ANKS1B: variants seen among roughly 807,000 people sequenced by gnomAD.
ANKS1B encodes the protein ankyrin repeat and sterile alpha motif domain-containing protein 1B.
A neutral mutation model predicts 148.3 loss-of-function variants in ANKS1B; 36 were observed. That is an observed-to-expected ratio of 0.24 (90% confidence interval 0.19 to 0.32). ANKS1B has a LOEUF of 0.32. Among genes scored for constraint, ANKS1B ranks in the 10% least tolerant of loss-of-function variants. ANKS1B has a pLI of 1.00. For missense variants in ANKS1B, 1,157 were observed against 1,542.6 expected, an observed-to-expected ratio of 0.75 and a Z score of 4.19; for synonymous variants, 542 against 560.8, an observed-to-expected ratio of 0.97 and a Z score of 0.47.
intron 17 of ANKS1B, among the ~76,000 whole-genome samples, chr12:98,873,531 A>AAAG (rs1297507606): frequency 6.6e-6 from 1 of 152,196 alleles, no homozygotes; most frequent in Non-Finnish European, 1.5e-5. Flanking sequence ...TATTAACAGG[A>AAAG]AAGAAAGTAA....
At chr12:99,319,928 T>C (rs1181611810) in intron 12 of ANKS1B, among the ~76,000 whole-genome samples, 1 of 152,178 alleles carries the variant, frequency 6.6e-6, no homozygotes, top group Non-Finnish European at 1.5e-5. Context: ...CTGTAAAGGA[T>C]TTTATTTATC....
In ANKS1B at chr12:99,921,168, C is replaced by T. The variant is rs12310227; in HGVS notation, c.134+62936G>A. On this transcript the variant is annotated intron_variant, in intron 1 of 26. Transcript: ENST00000683438. The stretch of plus-strand genomic sequence containing the variant: ...TAATCCCCATGTGTCGAGGAAGGAC[C>T]TGTAATCCCCATCTGTCAACAGAGG... Among the ~76,000 whole-genome samples the T allele has an allele frequency of 5.4e-3, 815 of 152,262 alleles. 11 individuals are homozygous for T. The highest frequency in any genetic ancestry group is 0.018 in the African/African-American group (760 of 41,566).
intron 9 of ANKS1B, among the ~76,000 whole-genome samples, chr12:99,650,783 C>T (rs948852187): frequency 5.9e-5 from 9 of 152,014 alleles, no homozygotes; most frequent in African/African-American, 1.2e-4. Context: ...ATAATCTGGA[C>T]AAAAACTGGA....
intron 17 of ANKS1B, among the ~76,000 whole-genome samples, chr12:99,001,071 T>G (rs2099932708): frequency 6.6e-6 from 1 of 152,170 alleles, no homozygotes; most frequent in Non-Finnish European, 1.5e-5. Flanking sequence ...ACATCTTGTT[T>G]TTTTTGAATA....
At chr12:99,189,807 T>C (rs888743100) in intron 14 of ANKS1B, among the ~76,000 whole-genome samples, 14 of 152,098 alleles carry the variant, frequency 9.2e-5, no homozygotes, top group Non-Finnish European at 1.9e-4. Flanking sequence ...CTCTCACCAC[T>C]CCTATTCAAC....
intron 22 of ANKS1B, chr12:98,794,473 T>G: frequency 4.8e-5 from 16 of 333,660 alleles, no homozygotes; most frequent in East Asian, 1.8e-4. Context: ...TGGGGACCCA[T>G]GGGGGTTCAA....
intron 1 of ANKS1B, among the ~76,000 whole-genome samples, chr12:99,970,059 T>C (rs1165885816): frequency 6.6e-6 from 1 of 152,198 alleles, no homozygotes; most frequent in African/African-American, 2.4e-5. Flanking sequence ...GTATCTATCA[T>C]TAAGAAAATA....
At chr12:99,894,532 A>C (rs2093309348) in intron 1 of ANKS1B, among the ~76,000 whole-genome samples, 1 of 145,658 alleles carries the variant, frequency 6.9e-6, no homozygotes, top group African/African-American at 2.5e-5. Flanking sequence ...AAAAAAAAAC[A>C]AGGTACAAAT....
chr12:99,398,322 T>C (rs915803993), intron 12 of ANKS1B, among the ~76,000 whole-genome samples: 4 of 152,120 alleles, frequency 2.6e-5, no homozygotes, highest in Admixed American at 1.3e-4. Flanking sequence ...CTTTTAAACA[T>C]AGAGTCCGAT....
chr12:98,782,123 T>C lies in ANKS1B; in HGVS notation c.3354+3A>G, dbSNP rs750517704. The C allele has an allele frequency of 1.3e-5, 21 of 1,599,232 alleles. No individual in the cohort carries two copies. The South Asian group carries it at 1.9e-4, about 15-fold the overall frequency. ...ATCACACTAAACATCAAGAAGAACC[T>C]ACCTGACAGTTAGCCTGGTGGATTT... is the stretch of plus-strand genomic sequence containing the variant. On this transcript the variant is annotated splice_donor_region_variant and intron_variant, in intron 23 of 26. Coordinates refer to ENST00000683438, the MANE Select transcript of ANKS1B (RefSeq NM_001352186.2).
intron 1 of ANKS1B, among the ~76,000 whole-genome samples, chr12:99,913,028 C>A (rs1032868181): frequency 2.0e-5 from 3 of 152,168 alleles, no homozygotes; most frequent in African/African-American, 4.8e-5. Flanking sequence ...AATTGTTCCA[C>A]AAATTTGCCA....
chr12:99,468,045 A>G (rs1270315186), intron 10 of ANKS1B, among the ~76,000 whole-genome samples: 3 of 152,242 alleles, frequency 2.0e-5, no homozygotes, highest in African/African-American at 7.2e-5. Context: ...ACTACACTAC[A>G]AGGCTACAGT....
intron 10 of ANKS1B, among the ~76,000 whole-genome samples, chr12:99,468,833 C>G (rs2096183789): frequency 6.6e-6 from 1 of 152,140 alleles, no homozygotes; most frequent in Non-Finnish European, 1.5e-5. Context: ...CACTTTTACA[C>G]TGTTGGTGGG....
intron 8 of ANKS1B, among the ~76,000 whole-genome samples, chr12:99,693,786 T>C (rs2153507534): frequency 6.6e-6 from 1 of 150,886 alleles, no homozygotes; most frequent in African/African-American, 2.4e-5. Flanking sequence ...TTGGACTTTT[T>C]TTTTTTTTTT....
rs368678456 is a variant in ANKS1B, at chr12:98,932,321, A to C, written c.2779-100185T>G. On this transcript the variant is annotated intron_variant, in intron 17 of 26. Coordinates refer to ENST00000683438, the MANE Select transcript of ANKS1B (RefSeq NM_001352186.2). ...GATGTTTTCCTTCATGAGTTGTTTG[A>C]AATGCAGTACAGTCATTCCTTGTGT... 1.6e-4 allele frequency among the ~76,000 whole-genome samples: 24 copies of C among 152,188 alleles called. No individual in the cohort carries two copies. The East Asian group carries it at 1.7e-3, about 11-fold the overall frequency.
rs1271890153 is a variant in ANKS1B at position 99,581,896 on chromosome 12, T to A, written c.1272+73171A>T. Among the ~76,000 whole-genome samples, 513 of 86,038 alleles carry A rather than the reference T, an allele frequency of 6.0e-3. 3 individuals are homozygous for A. Among genetic ancestry groups the A allele is most frequent in the African/African-American group, 0.025 (488 of 19,768 alleles). 56.4% of individuals were successfully genotyped at this position (86,038 alleles called of 152,430 possible). A position where few individuals can be genotyped will look rare whatever the true frequency, so the allele number is the denominator to read the frequency against. On this transcript the variant is annotated intron_variant, in intron 9 of 26. Coordinates refer to ENST00000683438, the MANE Select transcript of ANKS1B (RefSeq NM_001352186.2). ...CTGGGCGACAGAGCGAGACTCCGTC[T>A]CAAAAAAAAAAAAAAAAAAGAAAAA...
At position 98,913,708 on chromosome 12, in the gene ANKS1B, A is replaced by G. The variant is rs2099789938; in HGVS notation, c.2779-81572T>C. Among the ~76,000 whole-genome samples, 3 of 152,026 alleles carry G rather than the reference A, an allele frequency of 2.0e-5. No individual in the cohort carries two copies. The South Asian group carries it at 6.2e-4, about 32-fold the overall frequency. On this transcript the variant is annotated intron_variant, in intron 17 of 26. Coordinates refer to ENST00000683438, the MANE Select transcript of ANKS1B (RefSeq NM_001352186.2). Reference sequence around the variant, plus strand: ...AGTGGTGCAATCTCAGCTCACTACAACTTCCACCTCCTGGGTTAAAGTGAT... The same window carrying G: ...AGTGGTGCAATCTCAGCTCACTACAGCTTCCACCTCCTGGGTTAAAGTGAT...
rs1426419590 is a variant in ANKS1B, at chr12:99,801,952, T to C, written c.669+4452A>G. Among the ~76,000 whole-genome samples the C allele has an allele frequency of 2.6e-5, 4 of 152,306 alleles. No individual in the cohort carries two copies. The East Asian group carries it at 7.7e-4, about 29-fold the overall frequency. On this transcript the variant is annotated intron_variant, in intron 4 of 26. Transcript: ENST00000683438. ...GGTTTCCTCAGTGAAATAAAAGCAG[T>C]ATCATGATCAGAGAGGGATGATAGA...
chr12:99,533,594 C>G (rs980799243), intron 9 of ANKS1B, among the ~76,000 whole-genome samples: 13 of 152,172 alleles, frequency 8.5e-5, no homozygotes, highest in Non-Finnish European at 4.4e-5. Context: ...TGAAAGTGGG[C>G]ATCCTTGTCT....
Sources: gnomAD v4.1 joint callset for allele counts (sites outside exome capture counted in the v4.1 genomes callset) on GRCh38, gnomAD v4.1.1 for gene constraint, MANE v1.5 for transcripts, NCBI Gene and HGNC (gene_info 2026-07-23, HGNC 2026-07-21) for gene names.